CHID1: variants seen among roughly 807,000 people sequenced by gnomAD.
CHID1 encodes the protein chitinase domain containing 1, also known as chitinase domain-containing protein 1.
CHID1 carries 44 observed loss-of-function variants against 55.4 expected under a neutral mutation model. The observed-to-expected ratio is 0.79, with a 90% CI of 0.62 to 1.02. The LOEUF (loss-of-function observed/expected upper bound fraction) is 1.02, where lower values mean the gene tolerates loss of function less well. Among genes scored for constraint, CHID1 ranks in the 50% least tolerant of loss-of-function variants. The pLI, the probability that CHID1 is intolerant of heterozygous loss-of-function variation, is 0.00. For synonymous variants in CHID1, 216 were observed against 212.9 expected (o/e 1.01, Z -0.13); for missense variants, 491 against 515.3 (o/e 0.95, Z 0.46).
At chr11:904,168 C>A (rs138461702) in intron 2 of CHID1, among the ~76,000 whole-genome samples, 1 of 152,202 alleles carries the variant, frequency 6.6e-6, no homozygotes, top group African/African-American at 2.4e-5. Flanking sequence ...GTTTATTTGC[C>A]CCCATACAGC....
chr11:913,924 C>T (rs575523597), upstream of CHID1, among the ~76,000 whole-genome samples: 6 of 151,886 alleles, frequency 4.0e-5, no homozygotes, highest in Non-Finnish European at 8.8e-5. Flanking sequence ...AAAAATTAAT[C>T]GGACGTGGTG....
At chr11:874,069 G>A (rs1385605931) in intron 10 of CHID1, among the ~76,000 whole-genome samples, 1 of 152,192 alleles carries the variant, frequency 6.6e-6, no homozygotes, top group East Asian at 1.9e-4. Context: ...GACCAGCTTG[G>A]AAACTTTTGG....
Position 899,814 on chromosome 11 carries a change from T to C in CHID1, c.546+190A>G, listed in dbSNP as rs562046972. On this transcript the variant is annotated intron_variant, in intron 6 of 12. Transcript: ENST00000323578. ...ATGCCTGGGACCTCCAGAGGACCCA[T>C]GGTCAAGAAAGCGAGCAGCAGCCTG... Among the ~76,000 whole-genome samples the C allele has an allele frequency of 1.2e-4, 18 of 152,286 alleles. No homozygotes were observed. The South Asian group carries it at 3.1e-3, about 26-fold the overall frequency.
intron 8 of CHID1, among the ~76,000 whole-genome samples, chr11:891,972 T>C (rs60267393): frequency 0.068 from 9,196 of 135,636 alleles, 368 homozygotes; most frequent in Middle Eastern, 0.17. Context: ...ACAAATTAAC[T>C]GGGTGTGGTG....
At chr11:903,150 G>A in intron 2 of CHID1, 39 bp from the exon 3 acceptor site, 3 of 1,596,022 alleles carry the variant, frequency 1.9e-6, no homozygotes, top group Non-Finnish European at 2.5e-6. Flanking sequence ...TCAGTCATCT[G>A]TCCACAGTGT....
chr11:870,194 G>C (rs555520541), intron 11 of CHID1, 31 bp from the exon 12 acceptor site: 7 of 1,612,990 alleles, frequency 4.3e-6, no homozygotes, highest in Non-Finnish European at 5.9e-6. Context: ...CAGCCCATCC[G>C]CTCTGCTGGT....
Position 867,971 on chromosome 11 carries a change from TCTGATCCCCAAA to T in CHID1, c.*1875_*1886del, listed in dbSNP as rs1466210330. ...ATGACGGTCAGTTCAGGTTGGGGCA[TCTGATCCCCAAA>T]CTGCACCCCACAATCTCATTTCCAG... On this transcript the variant is annotated 3_prime_UTR_variant, in exon 13 of 13. Coordinates refer to ENST00000323578, the MANE Select transcript of CHID1 (RefSeq NM_023947.4). 2 of 152,040 alleles carry T rather than the reference TCTGATCCCCAAA, an allele frequency of 1.3e-5. No individual in the cohort carries two copies. Among genetic ancestry groups the T allele is most frequent in the African/African-American group, 4.8e-5 (2 of 41,352 alleles). 9.4% of individuals were successfully genotyped at this position (152,040 alleles called of 1,614,324 possible).
intron 7 of CHID1, among the ~76,000 whole-genome samples, chr11:895,226 C>T (rs1022078174): frequency 6.6e-6 from 1 of 152,192 alleles, no homozygotes; most frequent in African/African-American, 2.4e-5. Flanking sequence ...ATGCTGTCTG[C>T]AGGTACCCAC....
At chr11:907,880 T>C in intron 1 of CHID1, among the ~76,000 whole-genome samples, 1 of 152,136 alleles carries the variant, frequency 6.6e-6, no homozygotes, top group East Asian at 1.9e-4. Context: ...GTGCCTACCC[T>C]CCTACCCAAA....
intron 10 of CHID1, among the ~76,000 whole-genome samples, chr11:880,756 G>C (rs545280943): frequency 9.0e-4 from 137 of 152,352 alleles, no homozygotes; most frequent in Non-Finnish European, 1.5e-3. Flanking sequence ...GGGCAGGCCT[G>C]TGGGGGACCT....
chr11:879,927 A>G (rs938647665), intron 10 of CHID1, among the ~76,000 whole-genome samples: 4 of 152,232 alleles, frequency 2.6e-5, no homozygotes, highest in Non-Finnish European at 5.9e-5. Context: ...GGTGGGGGAC[A>G]TGAGCTGTGC....
chr11:873,678 G>T (rs1849319551), intron 10 of CHID1, among the ~76,000 whole-genome samples: 1 of 152,182 alleles, frequency 6.6e-6, no homozygotes, highest in Non-Finnish European at 1.5e-5. Context: ...AACCTACAGA[G>T]ACGGTGGGCT....
chr11:911,848 G>T (rs933445995), upstream of CHID1, among the ~76,000 whole-genome samples: 8 of 152,170 alleles, frequency 5.3e-5, no homozygotes, highest in African/African-American at 1.4e-4. Flanking sequence ...CCTGACCTTT[G>T]GGGGTGAAGA....
rs1331012707 is a variant in CHID1, at chr11:904,853, C to T, written c.-37G>A. ...CACAGTAGGGTCCAACCTCGGGGTC[C>T]AGAGGGCTGCAGGGAAAGCAGAGCA... On this transcript the variant is annotated 5_prime_UTR_variant, in exon 2 of 13. Coordinates refer to ENST00000323578, the MANE Select transcript of CHID1 (RefSeq NM_023947.4). 2 of 1,612,766 alleles carry T rather than the reference C, an allele frequency of 1.2e-6. No individual in the cohort carries two copies. The highest frequency in any genetic ancestry group is 2.7e-5 in the African/African-American group (2 of 74,914).
Position 869,561 on chromosome 11 carries a change from G to A in CHID1, c.*297C>T, listed in dbSNP as rs1447846594. 2 of 517,734 alleles carry A rather than the reference G, an allele frequency of 3.9e-6. No individual in the cohort carries two copies. The highest frequency in any genetic ancestry group is 3.8e-5 in the African/African-American group (2 of 52,214). The allele number at this position is 517,734 out of a possible 1,614,324, so 32.1% of individuals were successfully genotyped here. The stretch of plus-strand genomic sequence containing the variant: ...TGAGAAGCAGCCCAGAAAGGCCTGA[G>A]CCAGGCTGTCCTGGTGGGGCAGGTA... On this transcript the variant is annotated 3_prime_UTR_variant, in exon 13 of 13. Coordinates refer to ENST00000323578, the MANE Select transcript of CHID1 (RefSeq NM_023947.4).
intron 7 of CHID1, among the ~76,000 whole-genome samples, chr11:898,460 C>T (rs1851550664): frequency 6.6e-6 from 1 of 152,216 alleles, no homozygotes; most frequent in Non-Finnish European, 1.5e-5. Context: ...GGAGACCGCA[C>T]CATCCTCGCT....
rs1411880785 is a variant in CHID1, at chr11:910,420, C to T, written c.-44+355G>A. On this transcript the variant is annotated intron_variant, in intron 1 of 12. Coordinates refer to ENST00000323578, the MANE Select transcript of CHID1 (RefSeq NM_023947.4). ...ACCCGCCGGCCACATCCCTTGTCTG[C>T]GCACTCAGGCCCCTTCCACCCAGCG... Among the ~76,000 whole-genome samples, 3 of 152,310 alleles carry T rather than the reference C, an allele frequency of 2.0e-5. No homozygotes were observed. In the East Asian group the frequency reaches 5.8e-4, roughly 29 times the overall value.
chr11:902,032 C>A, intron 4 of CHID1, 166 bp downstream of exon 4: 1 of 647,150 alleles, frequency 1.5e-6, no homozygotes, highest in Non-Finnish European at 2.5e-6. Context: ...ATCAGTCTCA[C>A]ACTTACACAC....
rs558261531 is a variant in CHID1 at position 902,253 on chromosome 11, C to T, written c.339G>A (p.Leu113=). Residue 113 remains leucine, a synonymous_variant, in exon 4 of 13, where the codon CTG becomes CTA. Transcript: ENST00000323578. The part of the protein sequence containing the change: ...FTQISPVWLQ[L]KRRGREMFEV... The stretch of plus-strand genomic sequence containing the variant: ...CAAACATCTCACGGCCACGTCTCTT[C>T]AGCTGCAGCCAGACGGGTGAGATCT... 14 of 1,614,064 alleles carry T rather than the reference C, an allele frequency of 8.7e-6. No individual in the cohort carries two copies. The highest frequency in any genetic ancestry group is 1.2e-5 in the Non-Finnish European group (14 of 1,180,012).
Sources: allele counts gnomAD v4.1 joint callset (sites outside exome capture counted in the v4.1 genomes callset), GRCh38; gene constraint gnomAD v4.1.1; transcripts MANE v1.5; gene names NCBI Gene and HGNC (gene_info 2026-07-23, HGNC 2026-07-21).